The following SWAP70 variants were observed in gnomAD, a reference collection of about 807,000 sequenced individuals.
SWAP70 encodes the protein switch-associated protein 70.
Under a neutral mutation model 80.2 loss-of-function variants are expected in SWAP70, and 34 were observed. The observed-to-expected ratio is 0.42, with a 90% CI of 0.32 to 0.56. SWAP70 has a LOEUF of 0.56. Ranked by LOEUF, SWAP70 falls within the 20% of genes least tolerant of loss-of-function variation. The pLI is 0.09. For synonymous variants in SWAP70, 239 were observed against 238.5 expected, an observed-to-expected ratio of 1.00 and a Z score of -0.02; for missense variants, 578 against 690.7, an observed-to-expected ratio of 0.84 and a Z score of 1.83.
intron 1 of SWAP70, among the ~76,000 whole-genome samples, chr11:9,680,117 C>T (rs567486295): frequency 6.6e-6 from 1 of 152,296 alleles, no homozygotes; most frequent in East Asian, 1.9e-4. Flanking sequence ...CTACTGAACA[C>T]TTTTTGTTAG....
chr11:9,675,357 G>GAA (rs1189333864), intron 1 of SWAP70, among the ~76,000 whole-genome samples: 1 of 24,920 alleles, frequency 4.0e-5, no homozygotes, highest in East Asian at 9.9e-4. Context: ...GAGAGAGAGA[G>GAA]AGAGAGAGAG....
At chr11:9,687,772 G>T (rs1850650298) in intron 1 of SWAP70, among the ~76,000 whole-genome samples, 1 of 152,148 alleles carries the variant, frequency 6.6e-6, no homozygotes, top group Non-Finnish European at 1.5e-5. Context: ...GTCACTGAAG[G>T]ATGCAGAAGG....
chr11:9,670,849 G>T (rs1200779751), intron 1 of SWAP70, among the ~76,000 whole-genome samples: 1 of 151,634 alleles, frequency 6.6e-6, no homozygotes, highest in Non-Finnish European at 1.5e-5. Flanking sequence ...CACCTCCTGG[G>T]TTCACGCCAT....
chr11:9,728,146 G>T lies in SWAP70; in HGVS notation c.736G>T (p.Asp246Tyr), dbSNP rs762964112. ...PNIISYYVSE[D>Y]LKDKKGDILL... ...CATAATTTCTTACTATGTGAGTGAG[G>T]ATCTGAAGGATAAGAAAGGAGACAT... The change falls in exon 5 of 12, where the codon GAT (aspartate) becomes TAT (tyrosine). Residue 246 changes from aspartate (D) to tyrosine (Y), a missense_variant. By Grantham distance (160) the Asp-to-Tyr change is radical. Coordinates refer to ENST00000318950, the MANE Select transcript of SWAP70 (RefSeq NM_015055.4). 2.5e-6 allele frequency: 4 copies of T among 1,613,088 alleles called. No homozygotes were observed. Among genetic ancestry groups the T allele is most frequent in the Non-Finnish European group, 3.4e-6 (4 of 1,179,660 alleles).
chr11:9,738,254 G>C lies in SWAP70; in HGVS notation c.1122G>C (p.Lys374Asn). The change falls in exon 8 of 12, where the codon AAG (lysine) becomes AAC (asparagine). Residue 374 changes from lysine to asparagine, a missense_variant. Physicochemically the swap from Lys to Asn is moderately conservative, Grantham distance 94. Coordinates refer to ENST00000318950, the MANE Select transcript of SWAP70 (RefSeq NM_015055.4). ...EAASRAAEEE[K>N]KRLQTQVELQ... is the part of the protein sequence containing the mutation. The stretch of plus-strand genomic sequence containing the variant: ...CATCTCGTGCAGCAGAAGAGGAAAA[G>C]AAACGCCTTCAGACTCAAGTGGAAC... 6.2e-7 allele frequency: 1 copy of C among 1,611,640 alleles called. No individual in the cohort carries two copies. Among genetic ancestry groups the C allele is most frequent in the South Asian group, 1.1e-5 (1 of 90,658 alleles).
At chr11:9,721,822 A>G (rs1230949138) in intron 3 of SWAP70, among the ~76,000 whole-genome samples, 1 of 152,150 alleles carries the variant, frequency 6.6e-6, no homozygotes, top group Non-Finnish European at 1.5e-5. Context: ...GCCTTTGCAA[A>G]CATGCATGTC....
At chr11:9,684,745 T>C (rs1048481406) in intron 1 of SWAP70, among the ~76,000 whole-genome samples, 2 of 152,060 alleles carry the variant, frequency 1.3e-5, no homozygotes, top group Non-Finnish European at 2.9e-5. Flanking sequence ...GTAAAATAAA[T>C]GCAAAGACCC....
At chr11:9,735,429 A>C (rs992005708) in intron 7 of SWAP70, among the ~76,000 whole-genome samples, 4 of 152,090 alleles carry the variant, frequency 2.6e-5, no homozygotes, top group African/African-American at 9.7e-5. Flanking sequence ...GGGTTGTGTT[A>C]ATCTTTTGTT....
chr11:9,707,213 G>A (rs576138449), intron 2 of SWAP70, among the ~76,000 whole-genome samples: 1 of 152,230 alleles, frequency 6.6e-6, no homozygotes, highest in Non-Finnish European at 1.5e-5. Flanking sequence ...TAAGGCTATA[G>A]TACAGTATTT....
chr11:9,738,399 C>T, intron 8 of SWAP70, 79 bp downstream of exon 8: 1 of 1,002,594 alleles, frequency 1.0e-6, no homozygotes, highest in Admixed American at 3.2e-5. Context: ...CTGGAGGCTA[C>T]AGTGAGGCAT....
At chr11:9,671,591 TATAAATATATTTATATAG>T (rs1234231436) in intron 1 of SWAP70, among the ~76,000 whole-genome samples, 3 of 33,782 alleles carry the variant, frequency 8.9e-5, no homozygotes, top group Non-Finnish European at 1.8e-4. Context: ...TATTTCTATA[TATAAATATATTTATATAG>T]AAATATATTT....
chr11:9,669,410 A>G (rs1850346790), intron 1 of SWAP70, among the ~76,000 whole-genome samples: 1 of 152,106 alleles, frequency 6.6e-6, no homozygotes, highest in East Asian at 1.9e-4. Flanking sequence ...TTGTATTTTT[A>G]GTGGAGACAG....
intron 1 of SWAP70, among the ~76,000 whole-genome samples, chr11:9,667,072 C>T (rs1164293842): frequency 6.6e-6 from 1 of 151,950 alleles, no homozygotes; most frequent in Non-Finnish European, 1.5e-5. Context: ...ATTGTATTGC[C>T]CAGGCTGGTC....
At chr11:9,723,953 T>C (rs1307931131) in intron 3 of SWAP70, among the ~76,000 whole-genome samples, 1 of 152,164 alleles carries the variant, frequency 6.6e-6, no homozygotes, top group Non-Finnish European at 1.5e-5. Context: ...TTTGTATTTT[T>C]AGTAGAGACA....
intron 1 of SWAP70, among the ~76,000 whole-genome samples, chr11:9,670,773 A>T (rs991883113): frequency 6.6e-6 from 1 of 151,716 alleles, no homozygotes; most frequent in Non-Finnish European, 1.5e-5. Flanking sequence ...ATTTTTTCTG[A>T]GGCGGAGTCT....
intron 3 of SWAP70, among the ~76,000 whole-genome samples, chr11:9,722,594 G>A (rs1327809854): frequency 6.6e-6 from 1 of 152,132 alleles, no homozygotes; most frequent in East Asian, 1.9e-4. Context: ...TCACTGGTCC[G>A]CATGCTTCGT....
intron 1 of SWAP70, among the ~76,000 whole-genome samples, chr11:9,691,157 A>G (rs375906593): frequency 6.6e-6 from 1 of 152,290 alleles, no homozygotes; most frequent in African/African-American, 2.4e-5. Flanking sequence ...GGCTCTAGCT[A>G]TCCTCTTGTT....
chr11:9,749,400 C>T (rs1260029676), intron 11 of SWAP70, among the ~76,000 whole-genome samples: 1 of 152,102 alleles, frequency 6.6e-6, no homozygotes, highest in Non-Finnish European at 1.5e-5. Context: ...GTGCCCGCCA[C>T]CACGACCGGC....
intron 1 of SWAP70, among the ~76,000 whole-genome samples, chr11:9,682,904 T>A (rs1048754266): frequency 6.6e-6 from 1 of 152,160 alleles, no homozygotes; most frequent in Non-Finnish European, 1.5e-5. Context: ...CTCAAACTCC[T>A]GGCCTGAAGT....
Sources: allele counts gnomAD v4.1 joint callset (sites outside exome capture counted in the v4.1 genomes callset), GRCh38; gene constraint gnomAD v4.1.1; transcripts MANE v1.5; gene names NCBI Gene and HGNC (gene_info 2026-07-23, HGNC 2026-07-21).